The following SLC9C1 variants were observed in gnomAD, a reference collection of about 807,000 sequenced individuals.
The protein encoded by SLC9C1 is solute carrier family 9 member C1.
SLC9C1 carries 97 observed loss-of-function variants against 140.9 expected under a neutral mutation model. That is an observed-to-expected ratio of 0.69 (90% CI 0.58 to 0.82). SLC9C1 has a LOEUF of 0.82. Among genes scored for constraint, SLC9C1 ranks in the 40% least tolerant of loss-of-function variants. The pLI, the probability that SLC9C1 is intolerant of heterozygous loss-of-function variation, is 0.00. For synonymous variants in SLC9C1, 440 were observed against 442.6 expected (o/e 0.99, Z 0.07); for missense variants, 1,340 against 1,389.3 (o/e 0.96, Z 0.56).
At chr3:112,182,093 G>A in intron 21 of SLC9C1, 40 bp downstream of exon 21, 1 of 1,305,610 alleles carries the variant, frequency 7.7e-7, no homozygotes, top group Non-Finnish European at 1.0e-6. Context: ...TTATTTGTTA[G>A]TACATTAAAA....
At chr3:112,179,252 A>G (rs2077394543) in intron 23 of SLC9C1, among the ~76,000 whole-genome samples, 1 of 152,126 alleles carries the variant, frequency 6.6e-6, no homozygotes, top group African/African-American at 2.4e-5. Flanking sequence ...GGTATTGACA[A>G]TTAACATATG....
intron 10 of SLC9C1, among the ~76,000 whole-genome samples, chr3:112,261,508 T>G (rs891439137): frequency 2.0e-5 from 3 of 152,036 alleles, no homozygotes; most frequent in Non-Finnish European, 2.9e-5. Context: ...TTATGAGTAG[T>G]AGAGACAGAA....
At position 112,179,693 on chromosome 3, in the gene SLC9C1, T is replaced by C. The variant is rs2077403166; in HGVS notation, c.2757A>G (p.Lys919=). ...GATCAATCCCTAAACCTGGCTTTGA[T>C]TTTTCAAGCTGTTCAGGAACAAAGA... ...IIISGMVKLE[K]SKPGLGIDQM... is the part of the protein sequence containing the mutation. The change falls in exon 23 of 29, where the codon AAA becomes AAG. Residue 919 remains lysine (K), a synonymous_variant. Coordinates refer to ENST00000305815, the MANE Select transcript of SLC9C1 (RefSeq NM_183061.3). 1.9e-6 allele frequency: 3 copies of C among 1,599,200 alleles called. No homozygotes were observed. Among genetic ancestry groups the C allele is most frequent in the Non-Finnish European group, 2.6e-6 (3 of 1,175,694 alleles).
intron 23 of SLC9C1, among the ~76,000 whole-genome samples, chr3:112,175,012 G>A (rs1414527595): frequency 6.6e-6 from 1 of 152,300 alleles, no homozygotes; most frequent in Non-Finnish European, 1.5e-5. Flanking sequence ...AGACAGCAAG[G>A]GCAAGGGCTG....
At chr3:112,165,719 G>A (rs1339277845) in intron 26 of SLC9C1, among the ~76,000 whole-genome samples, 1 of 152,166 alleles carries the variant, frequency 6.6e-6, no homozygotes, top group Non-Finnish European at 1.5e-5. Context: ...CGGGGGTCAG[G>A]GACCCACTTG....
intron 20 of SLC9C1, among the ~76,000 whole-genome samples, chr3:112,190,640 T>C (rs2077638819): frequency 6.6e-6 from 1 of 152,142 alleles, no homozygotes; most frequent in Admixed American, 6.5e-5. Flanking sequence ...CTAAAGAAAA[T>C]ACTTCTATTC....
chr3:112,224,258 C>T (rs1197641103), intron 13 of SLC9C1, among the ~76,000 whole-genome samples: 1 of 152,144 alleles, frequency 6.6e-6, no homozygotes, highest in African/African-American at 2.4e-5. Flanking sequence ...ATTGTATCCA[C>T]CCAGTAAAAA....
chr3:112,221,228 A>G lies in SLC9C1; in HGVS notation c.1573-3T>C. 6.2e-7 allele frequency: 1 copy of G among 1,610,720 alleles called. No individual in the cohort carries two copies. On this transcript the variant is annotated splice_region_variant and splice_polypyrimidine_tract_variant and intron_variant, in intron 13 of 28. Transcript: ENST00000305815. ...CTGTATTGTCTCTGGTAGCTTGCCTAAAAAAATATTAATTCAAGTCATTAT... is the reference window on the plus strand; with the variant it reads ...CTGTATTGTCTCTGGTAGCTTGCCTGAAAAAATATTAATTCAAGTCATTAT...
In SLC9C1 at chr3:112,221,166, C is replaced by T. The variant is rs1484737520; in HGVS notation, c.1632G>A (p.Leu544=). The T allele has an allele frequency of 2.5e-6, 4 of 1,613,538 alleles. No individual in the cohort carries two copies. Among genetic ancestry groups the T allele is most frequent in the Non-Finnish European group, 3.4e-6 (4 of 1,179,762 alleles). The change falls in exon 14 of 29, where the codon TTG becomes TTA. Residue 544 remains leucine, a synonymous_variant. Transcript: ENST00000305815. ...CACCAAAACTTTCTGCTGCACCAACCAACACCTGGACAGCACTCTGGGACA... is the reference window on the plus strand; with the variant it reads ...CACCAAAACTTTCTGCTGCACCAACTAACACCTGGACAGCACTCTGGGACA... ...EILSQSAVQV[L]VGAAESFGEK...
intron 20 of SLC9C1, among the ~76,000 whole-genome samples, chr3:112,193,116 C>G (rs879906925): frequency 6.6e-6 from 1 of 152,144 alleles, no homozygotes; most frequent in Non-Finnish European, 1.5e-5. Context: ...GTGAATTTTG[C>G]AAGTGTTTCA....
rs560376522 is a variant in SLC9C1, at chr3:112,179,516, C to T, written c.2919+15G>A. Reference sequence around the variant, plus strand: ...AACAAAATACAACAAAAGTCACAGGCGAAGTTTTTCTGACCTCCACTACAG... The same window carrying T: ...AACAAAATACAACAAAAGTCACAGGTGAAGTTTTTCTGACCTCCACTACAG... On this transcript the variant is annotated intron_variant, in intron 23 of 28. Coordinates refer to ENST00000305815, the MANE Select transcript of SLC9C1 (RefSeq NM_183061.3). 29 of 1,585,212 alleles carry T rather than the reference C, an allele frequency of 1.8e-5. No individual in the cohort carries two copies. The East Asian group carries it at 2.7e-4, about 15-fold the overall frequency.
intron 3 of SLC9C1, among the ~76,000 whole-genome samples, chr3:112,279,537 G>A (rs1200719171): frequency 6.6e-6 from 1 of 152,040 alleles, no homozygotes; most frequent in East Asian, 1.9e-4. Context: ...GGATAATCAT[G>A]CACAAAATTC....
chr3:112,148,432 T>C (rs2074866268), intron 28 of SLC9C1, among the ~76,000 whole-genome samples: 1 of 152,264 alleles, frequency 6.6e-6, no homozygotes, highest in Admixed American at 6.5e-5. Flanking sequence ...AGAATTTTCC[T>C]TTTTCCCTTT....
At chr3:112,161,117 G>C (rs1257701409) in intron 26 of SLC9C1, among the ~76,000 whole-genome samples, 1 of 152,100 alleles carries the variant, frequency 6.6e-6, no homozygotes, top group Non-Finnish European at 1.5e-5. Flanking sequence ...TGATGGGGTT[G>C]TTTGTTTTTC....
chr3:112,204,931 A>G (rs2078004047), intron 16 of SLC9C1, among the ~76,000 whole-genome samples: 1 of 152,132 alleles, frequency 6.6e-6, no homozygotes, highest in African/African-American at 2.4e-5. Flanking sequence ...TTTCTTCACT[A>G]AATTCACTTG....
intron 10 of SLC9C1, among the ~76,000 whole-genome samples, chr3:112,255,860 A>C (rs896601699): frequency 2.0e-5 from 3 of 152,114 alleles, no homozygotes; most frequent in Non-Finnish European, 4.4e-5. Flanking sequence ...AAAGAAGAGA[A>C]CATTCAAATA....
In SLC9C1 at chr3:112,222,499, GC is replaced by G. The variant is rs560898819; in HGVS notation, c.1573-1275del. Among the ~76,000 whole-genome samples the G allele has an allele frequency of 6.6e-5, 10 of 152,102 alleles. No individual in the cohort carries two copies. In the East Asian group the frequency reaches 1.9e-3, roughly 29 times the overall value. ...TAATAGTAGAACCCAAACATTTGAGGCAATAAATCAAAAAGGTACATGGAGT... is the reference window on the plus strand; with the variant it reads ...TAATAGTAGAACCCAAACATTTGAGGAATAAATCAAAAAGGTACATGGAGT... On this transcript the variant is annotated intron_variant, in intron 13 of 28. Coordinates refer to ENST00000305815, the MANE Select transcript of SLC9C1 (RefSeq NM_183061.3).
At chr3:112,200,687 C>G (rs759218692) in intron 19 of SLC9C1, 24 bp downstream of exon 19, 2 of 1,599,328 alleles carry the variant, frequency 1.3e-6, no homozygotes, top group South Asian at 2.3e-5. Flanking sequence ...GATGGTCATG[C>G]TAAATAGGAT....
Position 112,286,820 on chromosome 3 carries a change from T to C in SLC9C1, c.-29A>G. 3 of 1,512,308 alleles carry C rather than the reference T, an allele frequency of 2.0e-6. No individual in the cohort carries two copies. Among genetic ancestry groups the C allele is most frequent in the South Asian group, 2.3e-5 (2 of 86,680 alleles). 93.7% of individuals were successfully genotyped at this position (1,512,308 alleles called of 1,614,324 possible). Reference sequence around the variant, plus strand: ...TCAGAAAAATTTTTATGCAGATTTATGTTAGAAGCAATCTCCATATGATCA... The same window carrying C: ...TCAGAAAAATTTTTATGCAGATTTACGTTAGAAGCAATCTCCATATGATCA... On this transcript the variant is annotated 5_prime_UTR_variant, in exon 2 of 29. Transcript: ENST00000305815.
Sources: gnomAD v4.1 joint callset for allele counts (sites outside exome capture counted in the v4.1 genomes callset) on GRCh38, gnomAD v4.1.1 for gene constraint, MANE v1.5 for transcripts, NCBI Gene and HGNC (gene_info 2026-07-23, HGNC 2026-07-21) for gene names.